LRMDA: variants seen among roughly 807,000 people sequenced by gnomAD.
LRMDA encodes the protein leucine-rich melanocyte differentiation-associated protein.
A neutral mutation model predicts 29.8 loss-of-function variants in LRMDA; 18 were observed. The ratio of observed to expected loss-of-function variants is 0.60; its 90% CI spans 0.42 to 0.90. The LOEUF is 0.90. LRMDA is among the 40% of genes least tolerant of loss of function. The pLI, the probability that LRMDA is intolerant of heterozygous loss-of-function variation, is 0.00. For synonymous variants in LRMDA, 125 were observed against 109.4 expected (o/e 1.14, Z -0.89); for missense variants, 273 against 273.9 (o/e 1.00, Z 0.02).
intron 2 of LRMDA, among the ~76,000 whole-genome samples, chr10:75,982,960 T>A (rs1352519226): frequency 6.6e-6 from 1 of 152,094 alleles, no homozygotes; most frequent in Non-Finnish European, 1.5e-5. Context: ...GTGAAAAAAC[T>A]GGGATTCAAG....
chr10:76,061,925 C>T (rs1848706588), intron 5 of LRMDA, among the ~76,000 whole-genome samples: 1 of 152,140 alleles, frequency 6.6e-6, no homozygotes, highest in Non-Finnish European at 1.5e-5. Flanking sequence ...GCCAAATGAG[C>T]TCCTTGCTGA....
chr10:76,448,610 A>G (rs1053872173), intron 6 of LRMDA, among the ~76,000 whole-genome samples: 2 of 152,006 alleles, frequency 1.3e-5, no homozygotes, highest in African/African-American at 4.8e-5. Context: ...CTCTTTTGAT[A>G]TTATTTCTTA....
At chr10:76,061,186 C>A (rs957517533) in intron 5 of LRMDA, among the ~76,000 whole-genome samples, 1 of 152,142 alleles carries the variant, frequency 6.6e-6, no homozygotes, top group African/African-American at 2.4e-5. Flanking sequence ...GAATACTATG[C>A]AGCCATACAA....
chr10:75,940,641 A>G (rs1213008925), intron 2 of LRMDA, among the ~76,000 whole-genome samples: 1 of 152,088 alleles, frequency 6.6e-6, no homozygotes, highest in Non-Finnish European at 1.5e-5. Context: ...TGAGTTCCTT[A>G]AGTACAGGAA....
intron 2 of LRMDA, among the ~76,000 whole-genome samples, chr10:75,459,000 A>AT (rs35375766): frequency 0.94 from 138,959 of 148,522 alleles, 65,055 homozygotes; most frequent in East Asian, 0.98. Context: ...TCTGCTTTAG[A>AT]TTTTTTTTTT....
chr10:76,452,105 T>C (rs1053232324), intron 6 of LRMDA, among the ~76,000 whole-genome samples: 1 of 152,210 alleles, frequency 6.6e-6, no homozygotes, highest in Non-Finnish European at 1.5e-5. Flanking sequence ...ATCAGATGGC[T>C]CATCAGTGTG....
intron 6 of LRMDA, among the ~76,000 whole-genome samples, chr10:76,489,948 CTG>C (rs1842816996): frequency 1.3e-5 from 2 of 151,888 alleles, no homozygotes; most frequent in African/African-American, 4.8e-5. Context: ...CCATGCAGAT[CTG>C]TGAGTCAGTT....
At chr10:75,804,681 T>C (rs11001501) in intron 2 of LRMDA, among the ~76,000 whole-genome samples, 63,502 of 152,152 alleles carry the variant, frequency 0.42, 14,339 homozygotes, top group South Asian at 0.54. Context: ...CCGTGGGGCT[T>C]GCTCTGGGAG....
At chr10:75,572,959 C>T (rs921023458) in intron 2 of LRMDA, among the ~76,000 whole-genome samples, 21 of 152,170 alleles carry the variant, frequency 1.4e-4, no homozygotes, top group African/African-American at 4.6e-4. Flanking sequence ...ATCCAAGAGC[C>T]CTCATCAGAA....
At chr10:75,947,055 C>T (rs987258210) in intron 2 of LRMDA, among the ~76,000 whole-genome samples, 2 of 152,194 alleles carry the variant, frequency 1.3e-5, no homozygotes, top group Non-Finnish European at 2.9e-5. Flanking sequence ...TGCTTTTCTT[C>T]ACCTCACTGG....
chr10:75,946,412 C>G (rs1459345145), intron 2 of LRMDA, among the ~76,000 whole-genome samples: 1 of 152,230 alleles, frequency 6.6e-6, no homozygotes, highest in Non-Finnish European at 1.5e-5. Context: ...GAGCATCTGA[C>G]TGCACATGGG....
At chr10:75,670,951 C>G (rs529521570) in intron 2 of LRMDA, among the ~76,000 whole-genome samples, 1 of 152,202 alleles carries the variant, frequency 6.6e-6, no homozygotes, top group East Asian at 1.9e-4. Flanking sequence ...CTCTTCTTCC[C>G]TAGAGACTAC....
At chr10:75,517,482 C>T (rs1446162042) in intron 2 of LRMDA, among the ~76,000 whole-genome samples, 1 of 152,094 alleles carries the variant, frequency 6.6e-6, no homozygotes, top group Non-Finnish European at 1.5e-5. Flanking sequence ...GGAGTTCATT[C>T]ATGATTTGGC....
chr10:76,289,837 C>T (rs2132345775), intron 5 of LRMDA, among the ~76,000 whole-genome samples: 1 of 152,288 alleles, frequency 6.6e-6, no homozygotes, highest in Non-Finnish European at 1.5e-5. Context: ...TTATTGACTT[C>T]ATGTCTTTAG....
At chr10:76,556,755 A>G (rs1843562816) in intron 6 of LRMDA, among the ~76,000 whole-genome samples, 1 of 152,128 alleles carries the variant, frequency 6.6e-6, no homozygotes, top group East Asian at 1.9e-4. Flanking sequence ...TCTGGAAGTC[A>G]ACAACATTGC....
intron 2 of LRMDA, chr10:75,450,993 G>T (rs888424164): frequency 3.9e-5 from 6 of 152,258 alleles, no homozygotes; most frequent in Admixed American, 1.3e-4. Flanking sequence ...CACTAGCAAA[G>T]TTGATCTGAC....
intron 5 of LRMDA, among the ~76,000 whole-genome samples, chr10:76,060,536 G>A (rs1189220661): frequency 2.0e-5 from 3 of 152,144 alleles, no homozygotes; most frequent in Non-Finnish European, 4.4e-5. Flanking sequence ...AGTAATTGTG[G>A]AGCTGGAGGT....
chr10:76,219,123 A>G lies in LRMDA; in HGVS notation c.517-105278A>G, dbSNP rs111339841. 3.1e-3 allele frequency among the ~76,000 whole-genome samples: 475 copies of G among 152,324 alleles called. 2 individuals are homozygous for G. The highest frequency in any genetic ancestry group is 0.011 in the African/African-American group (453 of 41,576). ...AGAACTCCTGAAGGAAGCACTAAAC[A>G]TGGAAAGGAACAACCGGTACCAGCC... On this transcript the variant is annotated intron_variant, in intron 5 of 6. Transcript: ENST00000611255.
At chr10:76,108,336 G>A (rs1471434889) in intron 5 of LRMDA, among the ~76,000 whole-genome samples, 1 of 152,156 alleles carries the variant, frequency 6.6e-6, no homozygotes, top group Non-Finnish European at 1.5e-5. Context: ...GTTGTGAATG[G>A]AGCTGGGATT....
Sources: gnomAD v4.1 joint callset for allele counts (sites outside exome capture counted in the v4.1 genomes callset) on GRCh38, gnomAD v4.1.1 for gene constraint, MANE v1.5 for transcripts, NCBI Gene and HGNC (gene_info 2026-07-23, HGNC 2026-07-21) for gene names.